Variants in EIF4G3 observed in about 807,000 individuals in gnomAD.
EIF4G3 encodes the protein eukaryotic translation initiation factor 4 gamma 3.
EIF4G3 carries 34 observed loss-of-function variants against 186.4 expected under a neutral mutation model. That is an observed-to-expected ratio of 0.18 (90% CI 0.14 to 0.24). The LOEUF is 0.24. EIF4G3 is among the 10% of genes least tolerant of loss of function. The probability of loss-of-function intolerance (pLI) is 1.00; values close to 1 mark genes in which losing one functional copy is unlikely to be tolerated. For missense variants in EIF4G3, 1,536 were observed against 1,948.5 expected, an observed-to-expected ratio of 0.79 and a Z score of 3.99; for synonymous variants, 673 against 679.5, an observed-to-expected ratio of 0.99 and a Z score of 0.15.
chr1:20,891,981 C>T (rs1250651859), intron 18 of EIF4G3, among the ~76,000 whole-genome samples: 1 of 152,058 alleles, frequency 6.6e-6, no homozygotes, highest in Non-Finnish European at 1.5e-5. Flanking sequence ...AAACAGTATG[C>T]TTCAAATTCA....
chr1:20,932,878 CAG>C (rs779606667), intron 14 of EIF4G3, among the ~76,000 whole-genome samples: 4 of 151,822 alleles, frequency 2.6e-5, no homozygotes, highest in Non-Finnish European at 5.9e-5. Context: ...TTTCTCAACA[CAG>C]AGTTACCACA....
intron 3 of EIF4G3, among the ~76,000 whole-genome samples, chr1:21,051,200 G>T (rs2094194547): frequency 6.6e-6 from 1 of 151,992 alleles, no homozygotes; most frequent in African/African-American, 2.4e-5. Context: ...TCATCAATTT[G>T]ATAAAAGATT....
chr1:21,025,936 G>A (rs944215090), intron 4 of EIF4G3, among the ~76,000 whole-genome samples: 1 of 152,082 alleles, frequency 6.6e-6, no homozygotes, highest in African/African-American at 2.4e-5. Context: ...CCCTGTTCAT[G>A]AACTGGAAGA....
chr1:20,807,964 C>T (rs568671124), intron 36 of EIF4G3, among the ~76,000 whole-genome samples: 5 of 149,570 alleles, frequency 3.3e-5, no homozygotes, highest in East Asian at 2.0e-4. Context: ...CCTGGGATTA[C>T]AGGCGCCTGC....
intron 12 of EIF4G3, among the ~76,000 whole-genome samples, chr1:20,959,860 T>C (rs1467180162): frequency 2.0e-5 from 3 of 151,930 alleles, no homozygotes; most frequent in East Asian, 1.9e-4. Flanking sequence ...AGAATGACCA[T>C]TATTAAAAAG....
rs182863433 is a variant in EIF4G3, at chr1:21,026,009, C to G, written c.-66-23201G>C. On this transcript the variant is annotated intron_variant, in intron 4 of 36. Transcript: ENST00000602326. ...CTTACAGATTCAATGCAATCTCTAT[C>G]AAAATCCCAATGGTGTGTTCTACAA... 5.4e-3 allele frequency among the ~76,000 whole-genome samples: 817 copies of G among 152,264 alleles called. 6 individuals carry two copies. Among genetic ancestry groups the G allele is most frequent in the Non-Finnish European group, 8.6e-3 (584 of 68,012 alleles).
At chr1:21,002,854 G>T in intron 4 of EIF4G3, 46 bp from the exon 5 acceptor site, 1 of 1,089,238 alleles carries the variant, frequency 9.2e-7, no homozygotes, top group Non-Finnish European at 1.4e-6. Flanking sequence ...AAAAAATATG[G>T]CATGGCAATT....
chr1:20,969,678 C>T, intron 11 of EIF4G3, 82 bp from the exon 12 acceptor site: 2 of 1,360,700 alleles, frequency 1.5e-6, no homozygotes, highest in East Asian at 4.9e-5. Flanking sequence ...GTTAAAGGTG[C>T]AAACTGGGAA....
chr1:21,046,585 G>C (rs2093903433), intron 4 of EIF4G3, among the ~76,000 whole-genome samples: 4 of 152,174 alleles, frequency 2.6e-5, no homozygotes. Flanking sequence ...ACAGACATAG[G>C]TAGTTACTTT....
chr1:20,865,994 A>G (rs2077476568), intron 20 of EIF4G3, among the ~76,000 whole-genome samples: 1 of 152,216 alleles, frequency 6.6e-6, no homozygotes, highest in Admixed American at 6.5e-5. Context: ...GAATATAAAG[A>G]CAGTAGACTG....
intron 36 of EIF4G3, among the ~76,000 whole-genome samples, chr1:20,807,948 C>T (rs1474837121): frequency 6.7e-6 from 1 of 149,618 alleles, no homozygotes; most frequent in Admixed American, 6.6e-5. Context: ...CTCAGCCTCT[C>T]AAGTACCTGG....
At chr1:20,815,628 C>A (rs1042705684) in intron 34 of EIF4G3, among the ~76,000 whole-genome samples, 2 of 150,388 alleles carry the variant, frequency 1.3e-5, no homozygotes, top group East Asian at 3.9e-4. Flanking sequence ...CGCCCGGCAG[C>A]CACCCCGTCC....
intron 2 of EIF4G3, among the ~76,000 whole-genome samples, chr1:21,109,696 T>C (rs926429894): frequency 1.3e-5 from 2 of 152,202 alleles, no homozygotes; most frequent in African/African-American, 4.8e-5. Flanking sequence ...AGCATCTGAA[T>C]GTAGCAGTTC....
intron 2 of EIF4G3, among the ~76,000 whole-genome samples, chr1:21,144,904 T>TCA (rs1210583304): frequency 2.6e-5 from 4 of 152,196 alleles, no homozygotes; most frequent in African/African-American, 9.7e-5. Flanking sequence ...GTAACGCACG[T>TCA]ACTGATAAGC....
At chr1:20,842,296 C>T (rs181996789) in intron 29 of EIF4G3, among the ~76,000 whole-genome samples, 1 of 152,322 alleles carries the variant, frequency 6.6e-6, no homozygotes, top group Admixed American at 6.5e-5. Flanking sequence ...AATCTAAAAT[C>T]GTCCTTTCTC....
At chr1:21,059,520 TATC>T (rs141226184) in intron 3 of EIF4G3, among the ~76,000 whole-genome samples, 6,823 of 152,048 alleles carry the variant, frequency 0.045, 216 homozygotes, top group Non-Finnish European at 0.066. Flanking sequence ...ATTCTGTTAA[TATC>T]ATTGCCAATC....
intron 4 of EIF4G3, among the ~76,000 whole-genome samples, chr1:21,040,971 T>G (rs2093541542): frequency 6.6e-6 from 1 of 152,054 alleles, no homozygotes; most frequent in African/African-American, 2.4e-5. Flanking sequence ...TTTAACACTT[T>G]CCCTTTTTTT....
rs1558363606 is a variant in EIF4G3 at position 20,943,974 on chromosome 1, T to TGTG, written c.824-1645_824-1644insCAC. 2.2e-3 allele frequency among the ~76,000 whole-genome samples: 138 copies of TGTG among 62,530 alleles called. 7 individuals carry two copies. Among genetic ancestry groups the TGTG allele is most frequent in the African/African-American group, 5.7e-3 (105 of 18,290 alleles). 41.0% of individuals were successfully genotyped at this position (62,530 alleles called of 152,430 possible). On this transcript the variant is annotated intron_variant, in intron 13 of 36. Coordinates refer to ENST00000602326, the MANE Select transcript of EIF4G3 (RefSeq NM_001391906.1). ...TCAGGAAAACTTGTCTTTATTTTTT[T>TGTG]TGTGTGTGTGTGTGTGTGTGTGTGT... is the stretch of plus-strand genomic sequence containing the variant.
rs750739069 is a variant in EIF4G3, at chr1:20,849,392, GTTT to G, written c.3888+20_3888+22del. 3.7e-6 allele frequency: 4 copies of G among 1,074,190 alleles called. No individual in the cohort carries two copies. Among genetic ancestry groups the G allele is most frequent in the Middle Eastern group, 2.2e-4 (1 of 4,492 alleles). 66.5% of individuals were successfully genotyped at this position (1,074,190 alleles called of 1,614,324 possible). A position where few individuals can be genotyped will look rare whatever the true frequency, so the allele number is the denominator to read the frequency against. ...CTATCAAAGGACTTACTGTGTGTGTGTTTTTTTTTTAATCTCATTTACCTTAAA... is the reference window on the plus strand; with the variant it reads ...CTATCAAAGGACTTACTGTGTGTGTGTTTTTTTAATCTCATTTACCTTAAA... On this transcript the variant is annotated intron_variant, in intron 29 of 36. Transcript: ENST00000602326.
Sources: allele counts gnomAD v4.1 joint callset (sites outside exome capture counted in the v4.1 genomes callset), GRCh38; gene constraint gnomAD v4.1.1; transcripts MANE v1.5; gene names NCBI Gene and HGNC (gene_info 2026-07-23, HGNC 2026-07-21).